DCAF5: variants seen among roughly 807,000 people sequenced by gnomAD.
DCAF5 encodes DDB1- and CUL4-associated factor 5.
A neutral mutation model predicts 80.7 loss-of-function variants in DCAF5; 9 were observed. The observed-to-expected ratio is 0.11, with a 90% confidence interval of 0.07 to 0.19. The LOEUF (loss-of-function observed/expected upper bound fraction) is 0.19, where lower values mean the gene tolerates loss of function less well. Ranked by LOEUF, DCAF5 falls within the 10% of genes least tolerant of loss-of-function variation. DCAF5 has a pLI of 1.00. For missense variants in DCAF5, 842 were observed against 1,205.7 expected (o/e 0.70, Z 4.47); for synonymous variants, 433 against 461.9 (o/e 0.94, Z 0.80).
chr14:69,141,696 TAG>T (rs1566789772), intron 1 of DCAF5, among the ~76,000 whole-genome samples: 2 of 152,290 alleles, frequency 1.3e-5, no homozygotes, highest in Admixed American at 6.5e-5. Flanking sequence ...GCAGGTGACG[TAG>T]AGTTACCTAA....
intron 1 of DCAF5, among the ~76,000 whole-genome samples, chr14:69,124,723 TG>T (rs1019225919): frequency 3.9e-5 from 6 of 152,342 alleles, no homozygotes; most frequent in African/African-American, 1.4e-4. Context: ...TTTATTTTAA[TG>T]AAAAATGCAC....
At position 69,054,466 on chromosome 14, in the gene DCAF5, A is replaced by C; in HGVS notation, c.2220T>G (p.Thr740=). 1 of 1,613,884 alleles carries C rather than the reference A, an allele frequency of 6.2e-7. No homozygotes were observed. The highest frequency in any genetic ancestry group is 1.1e-5 in the South Asian group (1 of 91,076). The change falls in exon 9 of 9, where the codon ACT becomes ACG. Residue 740 remains threonine (T), a synonymous_variant. Transcript: ENST00000341516. The part of the protein sequence containing the change: ...KDTFKEETPR[T]PSNGPGHEHS... The stretch of plus-strand genomic sequence containing the variant: ...GCTCATGGCCTGGGCCATTGCTGGG[A>C]GTTCTAGGAGTCTCTTCTTTAAAAG...
At chr14:69,058,343 AC>A (rs1256313673) in intron 8 of DCAF5, among the ~76,000 whole-genome samples, 1 of 151,770 alleles carries the variant, frequency 6.6e-6, no homozygotes, top group African/African-American at 2.4e-5. Context: ...ACGTGGTAAA[AC>A]CCTGTCTCTA....
rs753057489 is a variant in DCAF5 at position 69,054,540 on chromosome 14, T to C, written c.2146A>G (p.Met716Val). 9 of 1,614,062 alleles carry C rather than the reference T, an allele frequency of 5.6e-6. No homozygotes were observed. In the Admixed American group the frequency reaches 1.2e-4, roughly 21 times the overall value. Residue 716 changes from methionine (M) to valine (V), a missense_variant, in exon 9 of 9, where the codon ATG becomes GTG. Met to Val is a conservative substitution (Grantham distance 21). Transcript: ENST00000341516. The part of the protein sequence containing the change: ...SSKEACLNIA[M>V]AQRNQDLPPE... ...GGCAGGTCCTGGTTCCTCTGGGCCA[T>C]TGCTATGTTTAGACAGGCTTCCTTA...
In DCAF5 at chr14:69,054,541, T is replaced by G. The variant is rs144483093; in HGVS notation, c.2145A>C (p.Ala715=). The part of the protein sequence containing the change: ...SSSKEACLNI[A]MAQRNQDLPP... ...GCAGGTCCTGGTTCCTCTGGGCCATTGCTATGTTTAGACAGGCTTCCTTAC... is the reference window on the plus strand; with the variant it reads ...GCAGGTCCTGGTTCCTCTGGGCCATGGCTATGTTTAGACAGGCTTCCTTAC... The change falls in exon 9 of 9, where the codon GCA becomes GCC. Residue 715 remains alanine (A), a synonymous_variant. Coordinates refer to ENST00000341516, the MANE Select transcript of DCAF5 (RefSeq NM_003861.3). 3.8e-5 allele frequency: 62 copies of G among 1,614,196 alleles called. No homozygotes were observed. In the Admixed American group the frequency reaches 4.7e-4, roughly 12 times the overall value.
chr14:69,152,706 G>T lies in DCAF5; in HGVS notation c.214+59C>A. The T allele has an allele frequency of 7.5e-7, 1 of 1,336,004 alleles. No homozygotes were observed. Among genetic ancestry groups the T allele is most frequent in the East Asian group, 2.4e-5 (1 of 41,332 alleles). The allele number at this position is 1,336,004 out of a possible 1,614,324, so 82.8% of individuals were successfully genotyped here. On this transcript the variant is annotated intron_variant, in intron 1 of 8. Transcript: ENST00000341516. The surrounding 1 kb of genome is among the most constrained non-coding windows in gnomAD (Gnocchi z 4.1). ...CAGGAGGAGGGTGACGGGGGAGAGC[G>T]AGAGGGGGAGGCTGGGAGGGTGCGG... is the stretch of plus-strand genomic sequence containing the variant.
intron 1 of DCAF5, among the ~76,000 whole-genome samples, chr14:69,123,075 A>C (rs907696765): frequency 1.3e-5 from 2 of 152,108 alleles, no homozygotes; most frequent in African/African-American, 4.8e-5. Flanking sequence ...CTACACCTCC[A>C]CCTCCCTTAC....
chr14:69,145,171 C>A lies in DCAF5; in HGVS notation c.214+7594G>T, dbSNP rs114025914. Among the ~76,000 whole-genome samples the A allele has an allele frequency of 2.2e-3, 334 of 152,242 alleles. 3 individuals carry two copies. Among genetic ancestry groups the A allele is most frequent in the African/African-American group, 7.5e-3 (312 of 41,530 alleles). On this transcript the variant is annotated intron_variant, in intron 1 of 8. Coordinates refer to ENST00000341516, the MANE Select transcript of DCAF5 (RefSeq NM_003861.3). ...TAGCTGGGACTAAAGGTGCACGCCACCATACCCAGCTAGTTTTTAAATTTT... is the reference window on the plus strand; with the variant it reads ...TAGCTGGGACTAAAGGTGCACGCCAACATACCCAGCTAGTTTTTAAATTTT...
At chr14:69,084,505 G>A in intron 6 of DCAF5, 3 of 768,782 alleles carry the variant, frequency 3.9e-6, no homozygotes, top group Non-Finnish European at 6.9e-6. Flanking sequence ...GCCCGGCAAG[G>A]ATTTCTCTGA....
rs1263236419 is a variant in DCAF5, at chr14:69,152,218, A to G, written c.214+547T>C. ...CGGCCCACAGCGACCCTACCGCCCC[A>G]GTCACTTCCCCTCTGCAGACCCCGC... On this transcript the variant is annotated intron_variant, in intron 1 of 8. Coordinates refer to ENST00000341516, the MANE Select transcript of DCAF5 (RefSeq NM_003861.3). The surrounding 1 kb of genome is among the most constrained non-coding windows in gnomAD (Gnocchi z 4.1). Among the ~76,000 whole-genome samples the G allele has an allele frequency of 6.6e-6, 1 of 152,082 alleles. No individual in the cohort carries two copies. Among genetic ancestry groups the G allele is most frequent in the Non-Finnish European group, 1.5e-5 (1 of 68,000 alleles).
chr14:69,142,485 G>T (rs2041407268), intron 1 of DCAF5, among the ~76,000 whole-genome samples: 1 of 152,200 alleles, frequency 6.6e-6, no homozygotes, highest in Non-Finnish European at 1.5e-5. Context: ...TTCCACAGAA[G>T]CAGAGTGACG....
chr14:69,078,084 A>G lies in DCAF5; in HGVS notation c.880-2673T>C, dbSNP rs139943240. 1.4e-3 allele frequency among the ~76,000 whole-genome samples: 212 copies of G among 152,338 alleles called. 1 individual carries two copies. The highest frequency in any genetic ancestry group is 5.0e-3 in the African/African-American group (207 of 41,578). On this transcript the variant is annotated intron_variant, in intron 6 of 8. Coordinates refer to ENST00000341516, the MANE Select transcript of DCAF5 (RefSeq NM_003861.3). ...CTAAGCTGCCAGCCCAAGTGATTTG[A>G]TAAGTCACTCCACAAACATGCTCAA...
chr14:69,130,389 A>G lies in DCAF5; in HGVS notation c.215-8029T>C, dbSNP rs367932218. Among the ~76,000 whole-genome samples, 54 of 152,342 alleles carry G rather than the reference A, an allele frequency of 3.5e-4. No individual in the cohort carries two copies. In the South Asian group the frequency reaches 0.011, roughly 31 times the overall value. ...CTTACATGAGGAATAGTCAAATCAG[A>G]GACAAAGTAGAATGGCAGTGGCCAG... On this transcript the variant is annotated intron_variant, in intron 1 of 8. Coordinates refer to ENST00000341516, the MANE Select transcript of DCAF5 (RefSeq NM_003861.3).
intron 6 of DCAF5, chr14:69,083,842 C>A (rs191347544): frequency 9.5e-6 from 7 of 739,432 alleles, no homozygotes; most frequent in Non-Finnish European, 1.7e-5. Flanking sequence ...TGTTGAGAAG[C>A]CAGATGATGA....
rs2037835428 is a variant in DCAF5, at chr14:69,053,710, T to C, written c.*147A>G. On this transcript the variant is annotated 3_prime_UTR_variant, in exon 9 of 9. Transcript: ENST00000341516. Reference sequence around the variant, plus strand: ...TTCAGACCCGTTGTTGAATGTTGGATAGAAGGGAGCAGCATCAGACACAAA... The same window carrying C: ...TTCAGACCCGTTGTTGAATGTTGGACAGAAGGGAGCAGCATCAGACACAAA... 2 of 704,804 alleles carry C rather than the reference T, an allele frequency of 2.8e-6. No homozygotes were observed. Among genetic ancestry groups the C allele is most frequent in the Non-Finnish European group, 2.3e-6 (1 of 442,440 alleles). The allele number at this position is 704,804 out of a possible 1,614,324, so 43.7% of individuals were successfully genotyped here.
At chr14:69,151,602 C>G (rs1004164727) in intron 1 of DCAF5, among the ~76,000 whole-genome samples, 4 of 152,204 alleles carry the variant, frequency 2.6e-5, no homozygotes, top group African/African-American at 4.8e-5. Context: ...TTCACCCCCC[C>G]TCCCCTGAGC....
At chr14:69,126,384 T>C (rs1035368659) in intron 1 of DCAF5, among the ~76,000 whole-genome samples, 2 of 152,144 alleles carry the variant, frequency 1.3e-5, no homozygotes, top group African/African-American at 4.8e-5. Context: ...CTTGAACTCC[T>C]GACCTCAGTT....
At chr14:69,099,390 A>G (rs1170588934) in intron 5 of DCAF5, among the ~76,000 whole-genome samples, 2 of 151,904 alleles carry the variant, frequency 1.3e-5, no homozygotes, top group African/African-American at 4.8e-5. Flanking sequence ...GGCAAGCAGC[A>G]GAACAGCATA....
chr14:69,082,511 A>G (rs1244166244), intron 6 of DCAF5, among the ~76,000 whole-genome samples: 1 of 152,240 alleles, frequency 6.6e-6, no homozygotes, highest in Non-Finnish European at 1.5e-5. Flanking sequence ...TCAAATAATC[A>G]GCAGAAAAGG....
Sources: allele counts gnomAD v4.1 joint callset (sites outside exome capture counted in the v4.1 genomes callset), GRCh38; gene constraint gnomAD v4.1.1; non-coding constraint Gnocchi (gnomAD v3.1); transcripts MANE v1.5; gene names NCBI Gene and HGNC (gene_info 2026-07-23, HGNC 2026-07-21).